SSBP3: variants seen among roughly 807,000 people sequenced by gnomAD.
SSBP3 encodes the protein single-stranded DNA-binding protein 3.
A neutral mutation model predicts 69.6 loss-of-function variants in SSBP3; 5 were observed. The ratio of observed to expected loss-of-function variants is 0.07; its 90% CI spans 0.04 to 0.15. SSBP3 has a LOEUF of 0.15. SSBP3 is among the 10% of genes least tolerant of loss of function. The pLI is 1.00. For missense variants in SSBP3, 312 were observed against 534.0 expected (o/e 0.58, Z 4.10); for synonymous variants, 196 against 193.4 (o/e 1.01, Z -0.11).
chr1:54,248,911 T>C (rs1644777810), intron 9 of SSBP3, among the ~76,000 whole-genome samples: 1 of 152,182 alleles, frequency 6.6e-6, no homozygotes, highest in Non-Finnish European at 1.5e-5. Context: ...CCAGAGTTCC[T>C]GAGGTTGGCA....
chr1:54,366,599 G>A (rs944480054), intron 4 of SSBP3, among the ~76,000 whole-genome samples: 2 of 152,184 alleles, frequency 1.3e-5, no homozygotes, highest in Admixed American at 6.5e-5. Context: ...AGGTCTAGAA[G>A]GACATCCTCC....
At chr1:54,412,181 C>T (rs909580740) in intron 1 of SSBP3, among the ~76,000 whole-genome samples, 1 of 151,584 alleles carries the variant, frequency 6.6e-6, no homozygotes, top group Non-Finnish European at 1.5e-5. Flanking sequence ...CAGCTGCCCT[C>T]GGCCAGGCGT....
intron 4 of SSBP3, among the ~76,000 whole-genome samples, chr1:54,301,574 AC>A (rs1387249459): frequency 2.0e-5 from 3 of 152,068 alleles, no homozygotes; most frequent in Non-Finnish European, 4.4e-5. Flanking sequence ...CCACGCGGGG[AC>A]CCTCGCGGCT....
intron 4 of SSBP3, among the ~76,000 whole-genome samples, chr1:54,359,208 CAAAAAAAAAA>C (rs56901465): frequency 0.084 from 6,349 of 75,492 alleles, 354 homozygotes; most frequent in African/African-American, 0.21. Context: ...ACCCTCCCCT[CAAAAAAAAAA>C]AAAAAAAAAA....
At chr1:54,399,394 C>T (rs1649130788) in intron 4 of SSBP3, among the ~76,000 whole-genome samples, 1 of 152,214 alleles carries the variant, frequency 6.6e-6, no homozygotes, top group Non-Finnish European at 1.5e-5. Flanking sequence ...TGTGCCTCAG[C>T]TGCTTCATCT....
intron 4 of SSBP3, among the ~76,000 whole-genome samples, chr1:54,379,121 A>T (rs1415915822): frequency 2.6e-5 from 4 of 152,232 alleles, no homozygotes; most frequent in Non-Finnish European, 5.9e-5. Flanking sequence ...AGAGAGACAA[A>T]GAATTATTTA....
chr1:54,275,069 G>C (rs1349012183), intron 5 of SSBP3, among the ~76,000 whole-genome samples: 1 of 152,172 alleles, frequency 6.6e-6, no homozygotes, highest in Non-Finnish European at 1.5e-5. Context: ...CTCCAGCGTG[G>C]CACTCAGTCA....
intron 14 of SSBP3, 188 bp downstream of exon 14, chr1:54,238,941 C>A: frequency 2.3e-6 from 1 of 431,256 alleles, no homozygotes. Context: ...CCTTCCTCTC[C>A]CACCCCCTGC....
At chr1:54,246,389 TAG>T (rs1484137145) in intron 9 of SSBP3, among the ~76,000 whole-genome samples, 1 of 152,186 alleles carries the variant, frequency 6.6e-6, no homozygotes, top group African/African-American at 2.4e-5. Flanking sequence ...CCCAGCTGAC[TAG>T]AGAGGTCTTC....
Position 54,245,264 on chromosome 1 carries a change from T to G in SSBP3, c.652-1965A>C, listed in dbSNP as rs1423285217. On this transcript the variant is annotated intron_variant, in intron 9 of 17. Transcript: ENST00000610401. ...TGTGAAAACTCCAGGAGGCTGGGAT[T>G]GTTCCCACTTCAGTCTCCCAGAAAA... 3.5e-5 allele frequency among the ~76,000 whole-genome samples: 3 copies of G among 86,940 alleles called. No homozygotes were observed. In the East Asian group the frequency reaches 7.3e-4, roughly 21 times the overall value. The allele number at this position is 86,940 out of a possible 152,430, so 57.0% of individuals were successfully genotyped here.
intron 4 of SSBP3, among the ~76,000 whole-genome samples, chr1:54,374,044 A>C (rs894442010): frequency 3.3e-5 from 5 of 152,134 alleles, no homozygotes; most frequent in African/African-American, 4.8e-5. Context: ...GTGCACAAGG[A>C]CATCATGGGA....
At position 54,323,189 on chromosome 1, in the gene SSBP3, T is replaced by C. The variant is rs141087687; in HGVS notation, c.277-41662A>G. Among the ~76,000 whole-genome samples the C allele has an allele frequency of 3.4e-4, 52 of 152,294 alleles. No individual in the cohort carries two copies. The East Asian group carries it at 8.9e-3, about 26-fold the overall frequency. ...CAAGTCAATGAAGCTCCCAGAGCAT[T>C]TGACTACTCTTCAGTGGGGAAAGAA... On this transcript the variant is annotated intron_variant, in intron 4 of 17. Coordinates refer to ENST00000610401, the Ensembl canonical transcript of SSBP3.
chr1:54,273,976 T>G (rs1645240951), intron 5 of SSBP3, among the ~76,000 whole-genome samples: 1 of 152,234 alleles, frequency 6.6e-6, no homozygotes, highest in East Asian at 1.9e-4. Context: ...GGGGTGACCC[T>G]GCCTTCTGTC....
At chr1:54,257,360 T>A (rs1279621100) in intron 6 of SSBP3, 174 bp from the exon 7 acceptor site, 1 of 546,412 alleles carries the variant, frequency 1.8e-6, no homozygotes, top group African/African-American at 2.0e-5. Flanking sequence ...GAGGGAACAA[T>A]AGATCCACAC....
intron 1 of SSBP3, among the ~76,000 whole-genome samples, 177 bp from the exon 2 acceptor site, chr1:54,405,107 G>T (rs1326063585): frequency 2.6e-5 from 4 of 152,176 alleles, no homozygotes; most frequent in Admixed American, 6.5e-5. Context: ...CAGTTAGGGG[G>T]TGGGGACCAG....
intron 4 of SSBP3, among the ~76,000 whole-genome samples, chr1:54,283,072 G>A (rs1241421030): frequency 6.6e-6 from 1 of 152,166 alleles, no homozygotes; most frequent in Non-Finnish European, 1.5e-5. Context: ...TTTGAGACCA[G>A]CCTGGCCAAA....
intron 4 of SSBP3, among the ~76,000 whole-genome samples, chr1:54,372,045 G>A (rs940127470): frequency 2.0e-5 from 3 of 152,162 alleles, no homozygotes; most frequent in African/African-American, 7.2e-5. Context: ...TAGTTAATGA[G>A]TATCTCCAAC....
At chr1:54,238,894 A>G (rs11206312) in intron 14 of SSBP3, 367,560 of 387,034 alleles carry the variant, frequency 0.95, 174,935 homozygotes, top group East Asian at 1. Context: ...CACAGCGGGC[A>G]CCCTGGCTCT....
intron 1 of SSBP3, 45 bp downstream of exon 1, chr1:54,405,908 G>T: frequency 3.3e-6 from 2 of 612,890 alleles, no homozygotes; most frequent in Non-Finnish European, 4.3e-6. Context: ...CCGCCCGCCC[G>T]CAGCCCGGCG....
Sources: gnomAD v4.1 joint callset for allele counts (sites outside exome capture counted in the v4.1 genomes callset) on GRCh38, gnomAD v4.1.1 for gene constraint, MANE v1.5 for transcripts, NCBI Gene and HGNC (gene_info 2026-07-23, HGNC 2026-07-21) for gene names.